Variants in LDLRAD4 observed in about 807,000 individuals in gnomAD.
LDLRAD4 encodes the protein low-density lipoprotein receptor class A domain-containing protein 4.
In LDLRAD4, 5 loss-of-function variants were observed where a neutral mutation model predicts 17.0. That is an observed-to-expected ratio of 0.29 (90% CI 0.15 to 0.62). The LOEUF is 0.62. Among genes scored for constraint, LDLRAD4 ranks in the 20% least tolerant of loss-of-function variants. The pLI is 0.84. For missense variants in LDLRAD4, 340 were observed against 424.7 expected (o/e 0.80, Z 1.75); for synonymous variants, 168 against 171.8 (o/e 0.98, Z 0.17).
intron 3 of LDLRAD4, chr18:13,521,628 T>C (rs1309661074): frequency 6.6e-6 from 1 of 152,026 alleles, no homozygotes; most frequent in East Asian, 1.9e-4. Flanking sequence ...AGGGAGCAGT[T>C]GCTGCATTTG....
At chr18:13,445,553 T>C (rs1055274151) in intron 3 of LDLRAD4, among the ~76,000 whole-genome samples, 4 of 89,532 alleles carry the variant, frequency 4.5e-5, no homozygotes, top group African/African-American at 1.1e-4. Flanking sequence ...TACATGTCTA[T>C]GTGTGTGTTT....
intron 2 of LDLRAD4, among the ~76,000 whole-genome samples, chr18:13,406,000 C>T (rs150096336): frequency 6.6e-6 from 1 of 152,342 alleles, no homozygotes; most frequent in African/African-American, 2.4e-5. Flanking sequence ...GGTGATTCTT[C>T]CTGTGCAACT....
At chr18:13,220,596 T>C (rs1567901937) in intron 1 of LDLRAD4, among the ~76,000 whole-genome samples, 1 of 152,330 alleles carries the variant, frequency 6.6e-6, no homozygotes, top group East Asian at 1.9e-4. Flanking sequence ...TAGACAAATA[T>C]TTATTTTCCC....
At chr18:13,294,530 A>G (rs1268786312) in intron 1 of LDLRAD4, among the ~76,000 whole-genome samples, 2 of 152,232 alleles carry the variant, frequency 1.3e-5, no homozygotes, top group Non-Finnish European at 2.9e-5. Flanking sequence ...CATAGAACTA[A>G]AACCCCTCAA....
intron 1 of LDLRAD4, among the ~76,000 whole-genome samples, chr18:13,378,639 CTCTA>C (rs1328424957): frequency 2.6e-5 from 4 of 152,252 alleles, no homozygotes; most frequent in African/African-American, 7.2e-5. Context: ...TATCAAGAGC[CTCTA>C]TCTTTTTCCT....
intron 3 of LDLRAD4, among the ~76,000 whole-genome samples, chr18:13,442,316 G>A (rs946759331): frequency 6.6e-6 from 1 of 152,136 alleles, no homozygotes; most frequent in African/African-American, 2.4e-5. Context: ...AGGGCCGAGC[G>A]GGTCCAGTCA....
intron 3 of LDLRAD4, among the ~76,000 whole-genome samples, chr18:13,544,865 C>T (rs2094337178): frequency 6.9e-6 from 1 of 144,148 alleles, no homozygotes; most frequent in African/African-American, 2.5e-5. Context: ...GGTTAGACGT[C>T]ATGGCAGGTG....
intron 3 of LDLRAD4, chr18:13,542,166 T>C (rs2094293682): frequency 6.6e-6 from 1 of 152,334 alleles, no homozygotes; most frequent in South Asian, 2.1e-4. Flanking sequence ...GTGTAGTTTA[T>C]GTTGGGGAAT....
At chr18:13,273,325 G>A (rs2044669745), upstream of LDLRAD4, among the ~76,000 whole-genome samples, 1 of 152,120 alleles carries the variant, frequency 6.6e-6, no homozygotes, top group African/African-American at 2.4e-5. Flanking sequence ...TTTTGAGACA[G>A]GGTCTCACTT....
In LDLRAD4 at chr18:13,367,814, TGAGA is replaced by T. The variant is rs1224538092; in HGVS notation, c.-382-19521_-382-19518del. ...GGGCACGTGCTTTCAGGGGATGTAC[TGAGA>T]GAGAGGGGACAGTGGGGTGTGGGGG... On this transcript the variant is annotated intron_variant, in intron 1 of 5. Transcript: ENST00000359446. The surrounding 1 kb of genome is among the most constrained non-coding windows in gnomAD (Gnocchi z 4.1). Among the ~76,000 whole-genome samples, 1 of 133,798 alleles carries T rather than the reference TGAGA, an allele frequency of 7.5e-6. No homozygotes were observed. The highest frequency in any genetic ancestry group is 2.9e-5 in the African/African-American group (1 of 34,420). The allele number at this position is 133,798 out of a possible 152,430, so 87.8% of individuals were successfully genotyped here. A position where few individuals can be genotyped will look rare whatever the true frequency, so the allele number is the denominator to read the frequency against.
chr18:13,493,417 A>G (rs2147137499), intron 3 of LDLRAD4, among the ~76,000 whole-genome samples: 1 of 152,290 alleles, frequency 6.6e-6, no homozygotes, highest in South Asian at 2.1e-4. Flanking sequence ...AATTGAGAGA[A>G]AATTTACCTT....
intron 1 of LDLRAD4, among the ~76,000 whole-genome samples, chr18:13,327,304 G>A (rs963638194): frequency 6.6e-6 from 1 of 152,076 alleles, no homozygotes; most frequent in Non-Finnish European, 1.5e-5. Flanking sequence ...CACAGCATCT[G>A]GACTTTAATT....
At chr18:13,338,152 A>G (rs1278792965) in intron 1 of LDLRAD4, among the ~76,000 whole-genome samples, 1 of 152,160 alleles carries the variant, frequency 6.6e-6, no homozygotes, top group African/African-American at 2.4e-5. Context: ...CACGCTCTCT[A>G]TTCTCATCTG....
At chr18:13,248,925 C>T (rs573659601) in intron 1 of LDLRAD4, among the ~76,000 whole-genome samples, 1 of 152,226 alleles carries the variant, frequency 6.6e-6, no homozygotes, top group South Asian at 2.1e-4. Flanking sequence ...TTCCCAACTT[C>T]TAGTATTCCC....
In LDLRAD4 at chr18:13,557,149, T is replaced by C. The variant is rs544847229; in HGVS notation, c.182-63968T>C. Among the ~76,000 whole-genome samples the C allele has an allele frequency of 4.4e-4, 66 of 150,872 alleles. 2 individuals are homozygous for C. The South Asian group carries it at 0.014, about 31-fold the overall frequency. On this transcript the variant is annotated intron_variant, in intron 3 of 5. Coordinates refer to ENST00000359446, the Ensembl canonical transcript of LDLRAD4. ...TCTTTACAAAATTAAAAAAAAAAAA[T>C]TAGTCAGGCATCATGGCACATGCCC...
chr18:13,225,538 C>T (rs1009746306), intron 1 of LDLRAD4, among the ~76,000 whole-genome samples: 4 of 152,348 alleles, frequency 2.6e-5, no homozygotes, highest in African/African-American at 9.6e-5. Context: ...GGGCCCTGTC[C>T]ACTCTGTCAA....
At chr18:13,460,029 C>T (rs749893865) in intron 3 of LDLRAD4, 4 of 154,060 alleles carry the variant, frequency 2.6e-5, no homozygotes, top group East Asian at 1.9e-4. Flanking sequence ...ACTGCCCCCA[C>T]GTCGTCACGC....
At chr18:13,609,947 A>G (rs182610681) in intron 3 of LDLRAD4, among the ~76,000 whole-genome samples, 200 of 152,282 alleles carry the variant, frequency 1.3e-3, no homozygotes, top group Non-Finnish European at 1.8e-3. Flanking sequence ...TCGCCACTGC[A>G]CTCTAGCCTG....
intron 3 of LDLRAD4, among the ~76,000 whole-genome samples, chr18:13,463,443 C>A (rs1286924869): frequency 1.3e-5 from 2 of 152,204 alleles, no homozygotes; most frequent in African/African-American, 4.8e-5. Context: ...CCCTTCGTTG[C>A]CCTAAGTTAA....
Sources: gnomAD v4.1 joint callset for allele counts (sites outside exome capture counted in the v4.1 genomes callset) on GRCh38, gnomAD v4.1.1 for gene constraint, Gnocchi (gnomAD v3.1) non-coding constraint, MANE v1.5 for transcripts, NCBI Gene and HGNC (gene_info 2026-07-23, HGNC 2026-07-21) for gene names.